DNAJB1: variants seen among roughly 807,000 people sequenced by gnomAD.
The protein encoded by DNAJB1 is dnaJ homolog subfamily B member 1.
A neutral mutation model predicts 24.0 loss-of-function variants in DNAJB1; 14 were observed. That is an observed-to-expected ratio of 0.58 (90% CI 0.39 to 0.91). The LOEUF is 0.91. DNAJB1 is among the 40% of genes least tolerant of loss of function. The pLI is 0.00. For synonymous variants in DNAJB1, 262 were observed against 174.4 expected (o/e 1.50, Z -3.96); for missense variants, 517 against 458.1 (o/e 1.13, Z -1.17).
chr19:14,542,049 C>T (rs2073113022), intron 1 of DNAJB1, among the ~76,000 whole-genome samples: 1 of 152,120 alleles, frequency 6.6e-6, no homozygotes, highest in South Asian at 2.1e-4. Context: ...TTCCAGAATG[C>T]TGGGATTACA....
upstream of DNAJB1, chr19:14,529,348 A>G (rs2072519684): frequency 1.1e-5 from 5 of 462,804 alleles, no homozygotes; most frequent in South Asian, 1.2e-4. Context: ...GGGCGTGGCA[A>G]AGGGACGCGC....
intron 1 of DNAJB1, among the ~76,000 whole-genome samples, chr19:14,546,662 C>T (rs1308002017): frequency 1.3e-5 from 2 of 152,182 alleles, no homozygotes; most frequent in African/African-American, 2.4e-5. Flanking sequence ...CCTTTGGTCA[C>T]TGAAATATTT....
upstream of DNAJB1, among the ~76,000 whole-genome samples, chr19:14,552,752 G>A (rs1198201995): frequency 6.6e-6 from 1 of 151,712 alleles, no homozygotes; most frequent in Admixed American, 6.6e-5. Flanking sequence ...TAGCCAGGAT[G>A]GTCTTGATCT....
At chr19:14,520,970 A>G (rs1416553934), upstream of DNAJB1, among the ~76,000 whole-genome samples, 1 of 152,042 alleles carries the variant, frequency 6.6e-6, no homozygotes, top group Non-Finnish European at 1.5e-5. Flanking sequence ...TCCAGCCTGG[A>G]TGACAGTGAG....
chr19:14,517,347 G>C (rs967965863), intron 1 of DNAJB1: 6 of 343,714 alleles, frequency 1.7e-5, no homozygotes, highest in Non-Finnish European at 3.2e-5. Flanking sequence ...ACATCACCAA[G>C]AGATGGCTAA....
chr19:14,557,455 C>A (rs559905599), intron 1 of DNAJB1, among the ~76,000 whole-genome samples: 1 of 146,808 alleles, frequency 6.8e-6, no homozygotes, highest in East Asian at 2.1e-4. Flanking sequence ...CATATTTATT[C>A]TTTTTTTAAA....
chr19:14,548,664 G>A (rs1010352052), intron 1 of DNAJB1, among the ~76,000 whole-genome samples: 3 of 151,902 alleles, frequency 2.0e-5, no homozygotes, highest in Non-Finnish European at 4.4e-5. Flanking sequence ...TGCAACCTCC[G>A]CTTCCCAGGT....
chr19:14,518,307 C>A lies in DNAJB1; in HGVS notation c.43G>T (p.Ala15Ser), dbSNP rs761547055. The change falls in exon 1 of 3, where the codon GCG (alanine) becomes TCG (serine). Residue 15 changes from alanine (A) to serine (S), a missense_variant. By Grantham distance (99) the Ala-to-Ser change is moderately conservative. Transcript: ENST00000254322. ...GCCCGCTTGATCTCCTCGTCCGACG[C>A]GCCGCGGGCCAGGCCCAACGTCTGG... The part of the protein sequence containing the change: ...YYQTLGLARG[A>S]SDEEIKRAYR... The A allele has an allele frequency of 6.2e-7, 1 of 1,607,164 alleles. No homozygotes were observed. The highest frequency in any genetic ancestry group is 8.5e-7 in the Non-Finnish European group (1 of 1,178,496).
upstream of DNAJB1, chr19:14,534,000 G>C (rs1484835407): frequency 6.6e-6 from 1 of 152,160 alleles, no homozygotes; most frequent in African/African-American, 2.4e-5. Flanking sequence ...AATTGAGCCT[G>C]TTAATTCCTG....
chr19:14,533,178 T>C (rs1245621986), upstream of DNAJB1, among the ~76,000 whole-genome samples: 1 of 151,974 alleles, frequency 6.6e-6, no homozygotes, highest in African/African-American at 2.4e-5. Flanking sequence ...CCCAGCACTT[T>C]GGGACACCAA....
chr19:14,552,177 T>TC (rs948244663), upstream of DNAJB1, among the ~76,000 whole-genome samples: 1 of 149,604 alleles, frequency 6.7e-6, no homozygotes, highest in Non-Finnish European at 1.5e-5. Flanking sequence ...TTTTTCTTTT[T>TC]TTTTTTTTTT....
At chr19:14,558,868 G>A (rs1041113518) in intron 1 of DNAJB1, among the ~76,000 whole-genome samples, 10 of 152,124 alleles carry the variant, frequency 6.6e-5, no homozygotes, top group Non-Finnish European at 1.5e-5. Flanking sequence ...CCACCTCCCC[G>A]TCTGTGCTCA....
At chr19:14,549,969 A>G (rs1050638167) in intron 1 of DNAJB1, among the ~76,000 whole-genome samples, 2 of 151,648 alleles carry the variant, frequency 1.3e-5, no homozygotes, top group African/African-American at 2.4e-5. Flanking sequence ...AAAATAAACT[A>G]TACACCTGCC....
Position 14,518,330 on chromosome 19 carries a change from T to G in DNAJB1, c.20A>C (p.Gln7Pro). ...CGCGCCGCGGGCCAGGCCCAACGTC[T>G]GGTAGTAGTCTTTACCCATGACCCC... MGKDYY[Q>P]TLGLARGASD... is the part of the protein sequence containing the mutation. The change falls in exon 1 of 3, where the codon CAG (glutamine) becomes CCG (proline). Residue 7 changes from glutamine (Q) to proline (P), a missense_variant. Physicochemically the swap from Gln to Pro is moderately conservative, Grantham distance 76 (BLOSUM62 -1). Transcript: ENST00000254322. 1 of 1,597,492 alleles carries G rather than the reference T, an allele frequency of 6.3e-7. No individual in the cohort carries two copies. The highest frequency in any genetic ancestry group is 8.5e-7 in the Non-Finnish European group (1 of 1,175,830).
chr19:14,557,120 T>TATTC (rs1306105016), intron 1 of DNAJB1, among the ~76,000 whole-genome samples: 2 of 139,864 alleles, frequency 1.4e-5, no homozygotes, highest in East Asian at 4.0e-4. Flanking sequence ...TAATCTTATT[T>TATTC]ATTTATTTAT....
At chr19:14,528,287 T>TGGA (rs2146538128) in intron 1 of DNAJB1, among the ~76,000 whole-genome samples, 1 of 150,228 alleles carries the variant, frequency 6.7e-6, no homozygotes, top group Non-Finnish European at 1.5e-5. Flanking sequence ...TTGCTCAGGC[T>TGGA]GGAGTGTAGT....
At chr19:14,536,235 C>T (rs890759046) in intron 1 of DNAJB1, among the ~76,000 whole-genome samples, 3 of 151,564 alleles carry the variant, frequency 2.0e-5, no homozygotes, top group Admixed American at 2.0e-4. Context: ...AGGTTTGGAG[C>T]CCACGGGCAA....
chr19:14,517,384 G>A (rs992325362), intron 1 of DNAJB1: 5 of 257,384 alleles, frequency 1.9e-5, no homozygotes, highest in Non-Finnish European at 3.0e-5. Flanking sequence ...GTCGGCTTTC[G>A]GTAAGTGTTT....
At chr19:14,518,897 GC>G (rs1219955048), upstream of DNAJB1, among the ~76,000 whole-genome samples, 3 of 152,252 alleles carry the variant, frequency 2.0e-5, no homozygotes, top group Non-Finnish European at 4.4e-5. Flanking sequence ...ACCTGTGTCT[GC>G]CTAACCCAGG....
Sources: gnomAD v4.1 joint callset for allele counts (sites outside exome capture counted in the v4.1 genomes callset) on GRCh38, gnomAD v4.1.1 for gene constraint, MANE v1.5 for transcripts, NCBI Gene and HGNC (gene_info 2026-07-23, HGNC 2026-07-21) for gene names.